The following SEM1 variants were observed in gnomAD, a reference collection of about 807,000 sequenced individuals.
SEM1 encodes the protein 26S proteasome complex subunit SEM1.
SEM1 carries 3 observed loss-of-function variants against 12.7 expected under a neutral mutation model. That is an observed-to-expected ratio of 0.24 (90% CI 0.11 to 0.61). SEM1 has a LOEUF of 0.61. Among genes scored for constraint, SEM1 ranks in the 20% least tolerant of loss-of-function variants. SEM1 has a pLI of 0.88. For missense variants in SEM1, 59 were observed against 81.3 expected, an observed-to-expected ratio of 0.73 and a Z score of 1.06; for synonymous variants, 30 against 27.8, an observed-to-expected ratio of 1.08 and a Z score of -0.25.
intron 2 of SEM1, among the ~76,000 whole-genome samples, chr7:96,611,248 C>T (rs1048431358): frequency 7.2e-5 from 11 of 152,148 alleles, no homozygotes; most frequent in Admixed American, 6.6e-4. Flanking sequence ...GTGCTTTTCC[C>T]GCATGATGCC....
At chr7:96,484,221 A>C (rs571903466) in intron 3 of SEM1, among the ~76,000 whole-genome samples, 203 of 152,322 alleles carry the variant, frequency 1.3e-3, no homozygotes, top group African/African-American at 4.5e-3. Flanking sequence ...TATGCCCTAC[A>C]GAGTGTACTC....
At chr7:96,603,317 T>G (rs79115242) in intron 2 of SEM1, among the ~76,000 whole-genome samples, 26,691 of 152,138 alleles carry the variant, frequency 0.18, 2,379 homozygotes, top group Middle Eastern at 0.21. Context: ...GTATACTTAC[T>G]ATGTTGTTCT....
chr7:96,520,731 G>T (rs1377185022), intron 2 of SEM1, among the ~76,000 whole-genome samples: 2 of 152,112 alleles, frequency 1.3e-5, no homozygotes, highest in Non-Finnish European at 2.9e-5. Context: ...AGAAATAAAA[G>T]GGTATGGTGT....
chr7:96,592,542 A>G (rs1337820455), intron 2 of SEM1, among the ~76,000 whole-genome samples: 1 of 151,700 alleles, frequency 6.6e-6, no homozygotes, highest in Non-Finnish European at 1.5e-5. Flanking sequence ...GGGCACGGAG[A>G]ATGCATTTTT....
Position 96,588,380 on chromosome 7 carries a change from ACACACACACACACACAC to A in SEM1, c.171-81699_171-81683del, listed in dbSNP as rs1160383996. On this transcript the variant is annotated intron_variant and NMD_transcript_variant, in intron 2 of 3. Coordinates refer to the SEM1 transcript ENST00000466986. ...CACACACACACACACACACACACAC[ACACACACACACACACAC>A]GAGAGAGAGAGAGAGAGAGAGAAGA... Among the ~76,000 whole-genome samples, 42 of 119,612 alleles carry A rather than the reference ACACACACACACACACAC, an allele frequency of 3.5e-4. 1 individual carries two copies. Among genetic ancestry groups the A allele is most frequent in the East Asian group, 2.4e-3 (10 of 4,106 alleles). The allele number at this position is 119,612 out of a possible 152,430, so 78.5% of individuals were successfully genotyped here.
intron 2 of SEM1, among the ~76,000 whole-genome samples, chr7:96,677,326 G>A (rs996468096): frequency 7.9e-5 from 12 of 152,150 alleles, no homozygotes; most frequent in Admixed American, 2.0e-4. Flanking sequence ...AAAAGGTTCA[G>A]TTGGTGGTTA....
At chr7:96,594,271 G>C (rs188730865) in intron 2 of SEM1, among the ~76,000 whole-genome samples, 35 of 152,134 alleles carry the variant, frequency 2.3e-4, no homozygotes, top group Non-Finnish European at 1.8e-4. Flanking sequence ...CTGACACCAG[G>C]CTGAAAAGTG....
chr7:96,661,226 A>G (rs1318830095), intron 2 of SEM1, among the ~76,000 whole-genome samples: 1 of 152,136 alleles, frequency 6.6e-6, no homozygotes, highest in East Asian at 1.9e-4. Flanking sequence ...ATCCTTTGCT[A>G]CTTCTCAAAA....
chr7:96,641,533 T>C (rs936576911), intron 2 of SEM1, among the ~76,000 whole-genome samples: 4 of 151,990 alleles, frequency 2.6e-5, no homozygotes, highest in Admixed American at 2.6e-4. Context: ...TCTTCTCCAG[T>C]TTTTAGAGAA....
chr7:96,593,484 C>T (rs1378113710), intron 2 of SEM1, among the ~76,000 whole-genome samples: 1 of 152,108 alleles, frequency 6.6e-6, no homozygotes, highest in African/African-American at 2.4e-5. Flanking sequence ...GGTATGTTGG[C>T]CTGTTCCCCA....
chr7:96,498,039 C>G (rs780556802), upstream of SEM1, among the ~76,000 whole-genome samples: 1 of 152,106 alleles, frequency 6.6e-6, no homozygotes, highest in Non-Finnish European at 1.5e-5. Context: ...GAATTTTAAA[C>G]GTGGCAAGGT....
intron 2 of SEM1, among the ~76,000 whole-genome samples, chr7:96,589,828 A>G (rs1250010876): frequency 2.0e-5 from 3 of 152,240 alleles, no homozygotes; most frequent in Non-Finnish European, 4.4e-5. Flanking sequence ...TTAGACTACT[A>G]TTTCTCCATT....
chr7:96,573,556 G>A (rs1422678902), intron 2 of SEM1, among the ~76,000 whole-genome samples: 1 of 152,120 alleles, frequency 6.6e-6, no homozygotes, highest in Non-Finnish European at 1.5e-5. Context: ...GAGATTCTGG[G>A]TTGAAAATTC....
At chr7:96,598,902 A>G (rs778162288) in intron 2 of SEM1, among the ~76,000 whole-genome samples, 2 of 152,192 alleles carry the variant, frequency 1.3e-5, no homozygotes, top group Non-Finnish European at 2.9e-5. Context: ...GTACCTCCAT[A>G]ATCTCTCTTG....
intron 2 of SEM1, among the ~76,000 whole-genome samples, chr7:96,531,327 C>T (rs1333615304): frequency 3.3e-5 from 5 of 151,254 alleles, no homozygotes; most frequent in Admixed American, 1.3e-4. Flanking sequence ...CCAGCACTTT[C>T]GGAAGCTGAG....
At chr7:96,673,467 A>G in exon 3 of SEM1, 1 of 326,602 alleles carries the variant, frequency 3.1e-6, no homozygotes. Flanking sequence ...GACTGAAACA[A>G]TAAATAGGGT....
intron 2 of SEM1, among the ~76,000 whole-genome samples, chr7:96,694,156 A>G (rs575624898): frequency 6.6e-6 from 1 of 152,048 alleles, no homozygotes; most frequent in South Asian, 2.1e-4. Flanking sequence ...ATACTTAGAG[A>G]TAGAAAGCAG....
chr7:96,518,140 CGTA>C (rs1013519481), intron 2 of SEM1, among the ~76,000 whole-genome samples: 7 of 152,206 alleles, frequency 4.6e-5, no homozygotes, highest in African/African-American at 1.7e-4. Context: ...CTGCATAGAT[CGTA>C]GTAGTAATCC....
intron 2 of SEM1, among the ~76,000 whole-genome samples, chr7:96,588,614 AC>A (rs1806732990): frequency 1.3e-5 from 2 of 152,120 alleles, no homozygotes; most frequent in South Asian, 4.2e-4. Context: ...TTATTAAGAG[AC>A]AGATGTTAAA....
Sources: gnomAD v4.1 joint callset for allele counts (sites outside exome capture counted in the v4.1 genomes callset) on GRCh38, gnomAD v4.1.1 for gene constraint, MANE v1.5 for transcripts, NCBI Gene and HGNC (gene_info 2026-07-23, HGNC 2026-07-21) for gene names.